The following ENTHD1 variants were observed in gnomAD, a reference collection of about 807,000 sequenced individuals.
ENTHD1 encodes the protein ENTH domain containing 1.
In ENTHD1, 23 loss-of-function variants were observed where a neutral mutation model predicts 39.1. The observed-to-expected ratio is 0.59, with a 90% CI of 0.42 to 0.83. The LOEUF is 0.83. Among genes scored for constraint, ENTHD1 ranks in the 40% least tolerant of loss-of-function variants. The probability of loss-of-function intolerance (pLI) is 0.00; values close to 1 mark genes in which losing one functional copy is unlikely to be tolerated. For missense variants in ENTHD1, 624 were observed against 705.4 expected (o/e 0.88, Z 1.31); for synonymous variants, 230 against 258.2 (o/e 0.89, Z 1.05).
chr22:39,820,363 G>A (rs1025044657), intron 5 of ENTHD1, among the ~76,000 whole-genome samples: 7 of 152,114 alleles, frequency 4.6e-5, no homozygotes, highest in African/African-American at 1.4e-4. Context: ...TAATGAGAAC[G>A]TTTCGTTCTC....
intron 5 of ENTHD1, among the ~76,000 whole-genome samples, chr22:39,807,605 C>A (rs2065653311): frequency 6.6e-6 from 1 of 152,160 alleles, no homozygotes; most frequent in Non-Finnish European, 1.5e-5. Flanking sequence ...CCTGTTCCTC[C>A]CACCCCAGCC....
intron 5 of ENTHD1, among the ~76,000 whole-genome samples, chr22:39,769,887 T>C (rs771562628): frequency 9.2e-5 from 14 of 152,098 alleles, no homozygotes; most frequent in Non-Finnish European, 1.6e-4. Context: ...TAAATGCCTG[T>C]AGAGGGGAAA....
At chr22:39,801,852 C>T (rs2065601041) in intron 5 of ENTHD1, among the ~76,000 whole-genome samples, 1 of 151,866 alleles carries the variant, frequency 6.6e-6, no homozygotes, top group South Asian at 2.1e-4. Context: ...CTAAATTGCA[C>T]AGCAGACATA....
At chr22:39,798,586 G>A (rs1156889832) in intron 5 of ENTHD1, among the ~76,000 whole-genome samples, 1 of 152,190 alleles carries the variant, frequency 6.6e-6, no homozygotes, top group Non-Finnish European at 1.5e-5. Flanking sequence ...TTTTTCTCGG[G>A]ACAGGAGTGT....
At chr22:39,768,690 G>A (rs914642373) in intron 5 of ENTHD1, among the ~76,000 whole-genome samples, 2 of 151,878 alleles carry the variant, frequency 1.3e-5, no homozygotes, top group Non-Finnish European at 2.9e-5. Flanking sequence ...GCATATAGGA[G>A]GTGTCAAATG....
intron 2 of ENTHD1, among the ~76,000 whole-genome samples, chr22:39,862,564 G>GAA (rs1270079037): frequency 2.1e-4 from 25 of 118,420 alleles, no homozygotes; most frequent in African/African-American, 7.8e-4. Flanking sequence ...AAAAAAAAAA[G>GAA]AAAGAAAAAG....
At chr22:39,784,449 A>G (rs2065437338) in intron 5 of ENTHD1, among the ~76,000 whole-genome samples, 1 of 152,016 alleles carries the variant, frequency 6.6e-6, no homozygotes, top group Non-Finnish European at 1.5e-5. Flanking sequence ...TTGCATGCCC[A>G]TGTTTATTGC....
intron 5 of ENTHD1, among the ~76,000 whole-genome samples, chr22:39,820,401 T>C (rs571426799): frequency 6.6e-6 from 1 of 152,322 alleles, no homozygotes; most frequent in African/African-American, 2.4e-5. Flanking sequence ...TCCATTCTAC[T>C]TTCTGAGAAA....
chr22:39,845,626 G>A (rs912737191), intron 3 of ENTHD1, among the ~76,000 whole-genome samples: 6 of 152,164 alleles, frequency 3.9e-5, no homozygotes, highest in Admixed American at 3.9e-4. Context: ...CATTTTTGAA[G>A]TTATTGTAAA....
intron 2 of ENTHD1, among the ~76,000 whole-genome samples, chr22:39,870,626 C>A (rs2066234291): frequency 6.6e-6 from 1 of 152,160 alleles, no homozygotes; most frequent in South Asian, 2.1e-4. Context: ...ATTAAACCTA[C>A]AAATTCCTTC....
chr22:39,837,066 A>T (rs756374215), intron 3 of ENTHD1, among the ~76,000 whole-genome samples: 1 of 152,212 alleles, frequency 6.6e-6, no homozygotes, highest in South Asian at 2.1e-4. Context: ...TTTGCTAAAC[A>T]ATATTTTTAT....
intron 5 of ENTHD1, among the ~76,000 whole-genome samples, chr22:39,776,286 TG>T (rs2065365014): frequency 6.6e-6 from 1 of 152,214 alleles, no homozygotes; most frequent in Admixed American, 6.5e-5. Context: ...CAACCTTTGC[TG>T]GGAGAGAATT....
intron 2 of ENTHD1, among the ~76,000 whole-genome samples, chr22:39,875,110 T>C (rs1001233624): frequency 6.6e-6 from 1 of 152,202 alleles, no homozygotes; most frequent in Non-Finnish European, 1.5e-5. Flanking sequence ...AACTGTGGTA[T>C]GCACATACAA....
rs151100337 is a variant in ENTHD1, at chr22:39,839,279, A to G, written c.593-3321T>C. Among the ~76,000 whole-genome samples the G allele has an allele frequency of 2.7e-3, 408 of 152,336 alleles. 2 individuals carry two copies. The highest frequency in any genetic ancestry group is 9.2e-3 in the African/African-American group (381 of 41,578). On this transcript the variant is annotated intron_variant, in intron 3 of 6. Coordinates refer to ENST00000325157, the MANE Select transcript of ENTHD1 (RefSeq NM_152512.4). ...GACTAGGTATATAAGTCTAACATAC[A>G]GACTTACAGGAAACAGAGAACAATT...
chr22:39,817,000 C>G (rs2065739079), intron 5 of ENTHD1, among the ~76,000 whole-genome samples: 1 of 151,480 alleles, frequency 6.6e-6, no homozygotes, highest in Non-Finnish European at 1.5e-5. Context: ...GGTTAAAAAA[C>G]AGGTAATCCA....
intron 5 of ENTHD1, among the ~76,000 whole-genome samples, chr22:39,802,932 C>T (rs1055988890): frequency 5.9e-5 from 9 of 152,218 alleles, no homozygotes; most frequent in African/African-American, 1.7e-4. Flanking sequence ...TCTTCCATTG[C>T]CAGTGCCTTT....
At chr22:39,786,318 T>C (rs1352273184) in intron 5 of ENTHD1, among the ~76,000 whole-genome samples, 1 of 152,206 alleles carries the variant, frequency 6.6e-6, no homozygotes, top group Non-Finnish European at 1.5e-5. Flanking sequence ...ATATACATCG[T>C]GAAGTGATTA....
intron 1 of ENTHD1, among the ~76,000 whole-genome samples, chr22:39,889,265 A>G (rs2066407646): frequency 6.6e-6 from 1 of 152,224 alleles, no homozygotes. Flanking sequence ...TGTCTATCAG[A>G]TCTCAAAACA....
chr22:39,842,476 T>C (rs1339649874), intron 3 of ENTHD1, among the ~76,000 whole-genome samples: 1 of 152,236 alleles, frequency 6.6e-6, no homozygotes, highest in African/African-American at 2.4e-5. Flanking sequence ...TCTCGCTTCA[T>C]TTCATTCATT....
Sources: gnomAD v4.1 joint callset for allele counts (sites outside exome capture counted in the v4.1 genomes callset) on GRCh38, gnomAD v4.1.1 for gene constraint, MANE v1.5 for transcripts, NCBI Gene and HGNC (gene_info 2026-07-23, HGNC 2026-07-21) for gene names.